The following RBFOX1 variants were observed in gnomAD, a reference collection of about 807,000 sequenced individuals.
RBFOX1 encodes the protein RNA binding protein fox-1 homolog 1.
RBFOX1 carries 8 observed loss-of-function variants against 57.7 expected under a neutral mutation model. The ratio of observed to expected loss-of-function variants is 0.14; its 90% CI spans 0.08 to 0.25. The LOEUF (loss-of-function observed/expected upper bound fraction) is 0.25. Among genes scored for constraint, RBFOX1 ranks in the 10% least tolerant of loss-of-function variants. The pLI is 1.00. For synonymous variants in RBFOX1, 326 were observed against 222.4 expected (o/e 1.47, Z -4.15); for missense variants, 611 against 548.5 (o/e 1.11, Z -1.14).
intron 2 of RBFOX1, among the ~76,000 whole-genome samples, chr16:6,564,687 G>A (rs1468337944): frequency 6.6e-6 from 1 of 152,136 alleles, no homozygotes; most frequent in Non-Finnish European, 1.5e-5. Flanking sequence ...ACAAATTTCA[G>A]TAAAAAGATG....
At chr16:6,596,063 A>T (rs1048855778) in intron 2 of RBFOX1, among the ~76,000 whole-genome samples, 1 of 152,032 alleles carries the variant, frequency 6.6e-6, no homozygotes, top group African/African-American at 2.4e-5. Flanking sequence ...ATTCTGTTTC[A>T]TTCTGTGGAT....
intron 3 of RBFOX1, among the ~76,000 whole-genome samples, chr16:5,724,587 C>T (rs979883296): frequency 1.3e-5 from 2 of 152,188 alleles, no homozygotes; most frequent in African/African-American, 2.4e-5. Context: ...ATGGTCTTGT[C>T]ATGAGGTTCA....
rs572278954 is a variant in RBFOX1 at position 6,157,656 on chromosome 16, T to C, written c.-127+137664T>C. Among the ~76,000 whole-genome samples the C allele has an allele frequency of 7.2e-5, 11 of 152,316 alleles. 1 individual carries two copies. In the South Asian group the frequency reaches 2.3e-3, roughly 32 times the overall value. ...AATTTCTAGGTGTAATTTATATGCATATATAAATACAAGTTATATATATAT... is the reference window on the plus strand; with the variant it reads ...AATTTCTAGGTGTAATTTATATGCACATATAAATACAAGTTATATATATAT... On this transcript the variant is annotated intron_variant, in intron 1 of 15. Coordinates refer to ENST00000550418, the MANE Select transcript of RBFOX1 (RefSeq NM_018723.4).
chr16:7,051,457 C>G (rs1030012457), intron 3 of RBFOX1, among the ~76,000 whole-genome samples: 5 of 152,218 alleles, frequency 3.3e-5, no homozygotes, highest in African/African-American at 1.2e-4. Context: ...TACCCACTTT[C>G]CTATCTGATG....
intron 3 of RBFOX1, among the ~76,000 whole-genome samples, chr16:6,724,390 A>G (rs538080618): frequency 6.6e-6 from 1 of 151,954 alleles, no homozygotes; most frequent in South Asian, 2.1e-4. Flanking sequence ...TTATATTTTT[A>G]GTAGAGACAG....
At chr16:6,783,387 A>T (rs11866428) in intron 3 of RBFOX1, among the ~76,000 whole-genome samples, 15,380 of 141,742 alleles carry the variant, frequency 0.11, 922 homozygotes, top group African/African-American at 0.15. Context: ...TCTGTCTTTT[A>T]ATTTTTTTGT....
chr16:6,207,644 A>C (rs1441294433), intron 1 of RBFOX1, among the ~76,000 whole-genome samples: 1 of 152,094 alleles, frequency 6.6e-6, no homozygotes. Context: ...TGCCCTTCCC[A>C]TTTGATGTGC....
intron 4 of RBFOX1, among the ~76,000 whole-genome samples, chr16:7,386,102 T>C (rs886207158): frequency 3.3e-5 from 5 of 152,026 alleles, no homozygotes; most frequent in Non-Finnish European, 7.4e-5. Context: ...TTTTAAGGTT[T>C]TGCCACACGC....
chr16:7,170,791 C>T (rs768846782), intron 4 of RBFOX1, among the ~76,000 whole-genome samples: 2 of 152,132 alleles, frequency 1.3e-5, no homozygotes, highest in East Asian at 3.9e-4. Flanking sequence ...AAACATGTAG[C>T]TTATTAAGGT....
chr16:6,321,689 T>G (rs1313501367), intron 2 of RBFOX1, among the ~76,000 whole-genome samples: 2 of 152,184 alleles, frequency 1.3e-5, no homozygotes, highest in Non-Finnish European at 2.9e-5. Context: ...GTCGGGCAGA[T>G]AGAGGGATGG....
chr16:5,281,165 C>G (rs1347219460), intron 1 of RBFOX1, among the ~76,000 whole-genome samples: 1 of 152,060 alleles, frequency 6.6e-6, no homozygotes, highest in Non-Finnish European at 1.5e-5. Flanking sequence ...TTTTTAATTT[C>G]CATCTTAATT....
At chr16:7,084,538 C>T (rs1036015394) in intron 4 of RBFOX1, among the ~76,000 whole-genome samples, 9 of 152,148 alleles carry the variant, frequency 5.9e-5, no homozygotes, top group African/African-American at 1.7e-4. Flanking sequence ...CAGCAATGCC[C>T]CAAAAGAAAG....
chr16:6,700,862 G>A (rs1374209862), intron 3 of RBFOX1, among the ~76,000 whole-genome samples: 1 of 152,090 alleles, frequency 6.6e-6, no homozygotes, highest in Non-Finnish European at 1.5e-5. Flanking sequence ...TGCACTAGGA[G>A]TGTTTTTAAT....
intron 3 of RBFOX1, among the ~76,000 whole-genome samples, chr16:5,631,373 A>G (rs142599227): frequency 2.2e-3 from 335 of 152,244 alleles, no homozygotes; most frequent in African/African-American, 7.9e-3. Flanking sequence ...CCTGGCCAAT[A>G]TGGCAAAACT....
rs945444448 is a variant in RBFOX1 at position 7,713,083 on chromosome 16, A to G, written c.*2338A>G. On this transcript the variant is annotated 3_prime_UTR_variant, in exon 16 of 16. Coordinates refer to ENST00000550418, the MANE Select transcript of RBFOX1 (RefSeq NM_018723.4). ...ATGTATGTCAGAGATGTAAACAAAC[A>G]TTTTGGATTTTTTTTAAACAGTATT... The G allele has an allele frequency of 6.6e-6, 1 of 152,226 alleles. No homozygotes were observed. The highest frequency in any genetic ancestry group is 6.5e-5 in the Admixed American group (1 of 15,292). 9.4% of individuals were successfully genotyped at this position (152,226 alleles called of 1,614,324 possible). A position where few individuals can be genotyped will look rare whatever the true frequency, so the allele number is the denominator to read the frequency against.
At chr16:6,962,490 G>T (rs776837099) in intron 3 of RBFOX1, among the ~76,000 whole-genome samples, 2 of 152,190 alleles carry the variant, frequency 1.3e-5, no homozygotes, top group Non-Finnish European at 2.9e-5. Flanking sequence ...TATAGCCGCA[G>T]TGTGTCCCTG....
At chr16:6,060,978 A>G (rs1338057143) in intron 1 of RBFOX1, among the ~76,000 whole-genome samples, 4 of 152,212 alleles carry the variant, frequency 2.6e-5, no homozygotes, top group Admixed American at 1.3e-4. Flanking sequence ...TGCAGTGATT[A>G]CAATCCATGC....
Position 6,281,828 on chromosome 16 carries a change from A to T in RBFOX1, c.-126-35167A>T, listed in dbSNP as rs555426469. On this transcript the variant is annotated intron_variant, in intron 1 of 15. Coordinates refer to ENST00000550418, the MANE Select transcript of RBFOX1 (RefSeq NM_018723.4). Reference sequence around the variant, plus strand: ...AAAGTGAAGATTAGGAGGATGAAGTAACTTGCCCAAAATCCCGCTGCCACT... The same window carrying T: ...AAAGTGAAGATTAGGAGGATGAAGTTACTTGCCCAAAATCCCGCTGCCACT... 5.3e-5 allele frequency among the ~76,000 whole-genome samples: 8 copies of T among 152,258 alleles called. No individual in the cohort carries two copies. In the South Asian group the frequency reaches 1.5e-3, roughly 28 times the overall value.
chr16:5,521,623 G>A, intron 2 of RBFOX1, among the ~76,000 whole-genome samples: 1 of 151,782 alleles, frequency 6.6e-6, no homozygotes, highest in African/African-American at 2.4e-5. Flanking sequence ...AAGGCAATTG[G>A]AGCTCTGCCA....
Sources: gnomAD v4.1 joint callset for allele counts (sites outside exome capture counted in the v4.1 genomes callset) on GRCh38, gnomAD v4.1.1 for gene constraint, MANE v1.5 for transcripts, NCBI Gene and HGNC (gene_info 2026-07-23, HGNC 2026-07-21) for gene names.